The following OR2M2 variants were observed in gnomAD, a reference collection of about 807,000 sequenced individuals.
OR2M2 encodes the protein olfactory receptor family 2 subfamily M member 2.
For synonymous variants in OR2M2, 168 were observed against 151.7 expected, an observed-to-expected ratio of 1.11 and a Z score of -0.79; for missense variants, 467 against 429.9, an observed-to-expected ratio of 1.09 and a Z score of -0.76.
chr1:248,180,603 G>T lies in OR2M2; in HGVS notation c.618G>T (p.Met206Ile). The T allele has an allele frequency of 2.5e-6, 4 of 1,613,004 alleles. No individual in the cohort carries two copies. The highest frequency in any genetic ancestry group is 3.4e-6 in the Non-Finnish European group (4 of 1,179,820). Residue 206 changes from methionine (M) to isoleucine (I), a missense_variant, in exon 2 of 2, where the codon ATG (methionine) becomes ATT (isoleucine). Transcript: ENST00000641836. The stretch of plus-strand genomic sequence containing the variant: ...TTATTTTCATCTGCTGTATAGTAAT[G>T]CTTGTTTTCCCTGTTGCAATCATCA... ...EEVIFICCIV[M>I]LVFPVAIIIA...
rs1408395441 is a variant in OR2M2, at chr1:248,180,867, C to T, written c.882C>T (p.Asn294=). ...MLNPLIYSLR[N]KEVTRAFMKI... is the part of the protein sequence containing the mutation. ...ATCCCCTCATCTACAGCCTCCGCAA[C>T]AAGGAGGTGACTAGAGCATTCATGA... Residue 294 remains asparagine, a synonymous_variant, in exon 2 of 2, where the codon AAC becomes AAT. Transcript: ENST00000641836. 1 of 1,613,952 alleles carries T rather than the reference C, an allele frequency of 6.2e-7. No homozygotes were observed. Among genetic ancestry groups the T allele is most frequent in the East Asian group, 2.2e-5 (1 of 44,880 alleles).
At chr1:248,179,900 A>C in intron 1 of OR2M2, 68 bp from the exon 2 acceptor site, 2 of 1,467,678 alleles carry the variant, frequency 1.4e-6, no homozygotes, top group Non-Finnish European at 1.8e-6. Flanking sequence ...GAATTTACCA[A>C]AATCACACGA....
Position 248,180,386 on chromosome 1 carries a change from A to G in OR2M2, c.401A>G (p.Asn134Ser), listed in dbSNP as rs754228786. ...IAICHPLRYT[N>S]LMNPKICGLM... ...ATTTGCCACCCTCTAAGATATACCA[A>G]TCTCATGAATCCTAAAATTTGTGGA... The change falls in exon 2 of 2, where the codon AAT becomes AGT. Residue 134 changes from asparagine to serine, a missense_variant. Transcript: ENST00000641836. 11 of 1,613,932 alleles carry G rather than the reference A, an allele frequency of 6.8e-6. No homozygotes were observed. The highest frequency in any genetic ancestry group is 2.2e-5 in the East Asian group (1 of 44,888).
chr1:248,177,131 T>C (rs1383388145), intron 1 of OR2M2, among the ~76,000 whole-genome samples: 3 of 151,952 alleles, frequency 2.0e-5, no homozygotes, highest in East Asian at 1.9e-4. Flanking sequence ...TGAAAGGAGG[T>C]GACAAAATAC....
At chr1:248,179,294 A>G (rs1401150552) in intron 1 of OR2M2, among the ~76,000 whole-genome samples, 1 of 152,106 alleles carries the variant, frequency 6.6e-6, no homozygotes, top group African/African-American at 2.4e-5. Flanking sequence ...TTAACTAATT[A>G]CCGTCTTTAC....
chr1:248,176,768 C>A lies in OR2M2; in HGVS notation c.-19+1897C>A, dbSNP rs566159283. On this transcript the variant is annotated intron_variant, in intron 1 of 1. Coordinates refer to ENST00000641836, the MANE Select transcript of OR2M2 (RefSeq NM_001004688.2). ...ATACCTCTTGGAAACCCAATTTTACCTTCACTGCATTTTCAGATTGTTTAT... is the reference window on the plus strand; with the variant it reads ...ATACCTCTTGGAAACCCAATTTTACATTCACTGCATTTTCAGATTGTTTAT... Among the ~76,000 whole-genome samples the A allele has an allele frequency of 1.6e-4, 25 of 152,040 alleles. No homozygotes were observed. In the South Asian group the frequency reaches 5.0e-3, roughly 30 times the overall value.
Position 248,180,722 on chromosome 1 carries a change from T to G in OR2M2, c.737T>G (p.Met246Arg), listed in dbSNP as rs1337765599. Residue 246 changes from methionine to arginine, a missense_variant, in exon 2 of 2, where the codon ATG becomes AGG. Met to Arg is a moderately conservative substitution (Grantham distance 91). Transcript: ENST00000641836. ...KAFTTCSSHL[M>R]VVGMYYGAAL... ...TTCACGACCTGTTCCTCTCACCTCA[T>G]GGTGGTGGGAATGTACTATGGAGCA... 5 of 1,613,380 alleles carry G rather than the reference T, an allele frequency of 3.1e-6. No individual in the cohort carries two copies. The highest frequency in any genetic ancestry group is 4.2e-6 in the Non-Finnish European group (5 of 1,179,856).
chr1:248,180,976 T>G lies in OR2M2; in HGVS notation c.991T>G (p.Ser331Ala), dbSNP rs755766907. 6.2e-7 allele frequency: 1 copy of G among 1,613,402 alleles called. No individual in the cohort carries two copies. Among genetic ancestry groups the G allele is most frequent in the Non-Finnish European group, 8.5e-7 (1 of 1,179,450 alleles). Residue 331 changes from serine to alanine, a missense_variant, in exon 2 of 2, where the codon TCC (serine) becomes GCC (alanine). Coordinates refer to ENST00000641836, the MANE Select transcript of OR2M2 (RefSeq NM_001004688.2). ...GTTTGCTAAATTCTTCTTTCTAATA[T>G]CCATCTTTTTCTATGATGTCAAAAT... ...LLFAKFFFLI[S>A]IFFYDVKILA... is the part of the protein sequence containing the mutation.
intron 1 of OR2M2, among the ~76,000 whole-genome samples, chr1:248,178,674 T>C (rs555013015): frequency 1.3e-5 from 2 of 152,330 alleles, no homozygotes; most frequent in East Asian, 3.9e-4. Flanking sequence ...ATGAACATGC[T>C]CACACAATTC....
rs527971346 is a variant in OR2M2, at chr1:248,176,485, G to T, written c.-19+1614G>T. ...TTACAATTAAGGAAAAGAAATACTT[G>T]TCAGGCAATGTCTAATCCAAATTCA... On this transcript the variant is annotated intron_variant, in intron 1 of 1. Coordinates refer to ENST00000641836, the MANE Select transcript of OR2M2 (RefSeq NM_001004688.2). 3.9e-5 allele frequency among the ~76,000 whole-genome samples: 6 copies of T among 152,078 alleles called. No homozygotes were observed. In the East Asian group the frequency reaches 5.8e-4, roughly 15 times the overall value.
chr1:248,177,112 T>C (rs1377064374), intron 1 of OR2M2, among the ~76,000 whole-genome samples: 4 of 152,036 alleles, frequency 2.6e-5, no homozygotes, highest in African/African-American at 9.7e-5. Flanking sequence ...GAAGGGAAAT[T>C]TGAGGCAATG....
chr1:248,177,845 A>C, intron 1 of OR2M2: 1 of 152,052 alleles, frequency 6.6e-6, no homozygotes, highest in South Asian at 2.1e-4. Context: ...CCATTTTTTA[A>C]AAACCGGAAT....
intron 1 of OR2M2, chr1:248,178,084 A>G (rs1208412689): frequency 6.6e-6 from 1 of 152,062 alleles, no homozygotes; most frequent in Non-Finnish European, 1.5e-5. Flanking sequence ...TCACAATATT[A>G]TTCACAATTT....
At position 248,179,602 on chromosome 1, in the gene OR2M2, C is replaced by G. The variant is rs111337586; in HGVS notation, c.-18-366C>G. ...TAGTATTGTGTTGGTCACATGTTGA[C>G]TGAAGCTGAATTAGCCTATCAATTT... On this transcript the variant is annotated intron_variant, in intron 1 of 1. Transcript: ENST00000641836. Among the ~76,000 whole-genome samples, 497 of 152,304 alleles carry G rather than the reference C, an allele frequency of 3.3e-3. 2 individuals are homozygous for G. Among genetic ancestry groups the G allele is most frequent in the African/African-American group, 0.011 (475 of 41,564 alleles).
chr1:248,179,570 A>G (rs150350563), intron 1 of OR2M2, among the ~76,000 whole-genome samples: 153 of 152,314 alleles, frequency 1.0e-3, no homozygotes, highest in African/African-American at 3.5e-3. Context: ...CATTTATTCT[A>G]CATTTGTAGT....
intron 1 of OR2M2, among the ~76,000 whole-genome samples, chr1:248,177,669 T>C (rs1346882302): frequency 6.6e-6 from 1 of 152,080 alleles, no homozygotes; most frequent in African/African-American, 2.4e-5. Flanking sequence ...TTTTTTCCCC[T>C]GATTGACCTT....
Position 248,180,675 on chromosome 1 carries a change from T to C in OR2M2, c.690T>C (p.Ser230=). 4 of 1,612,476 alleles carry C rather than the reference T, an allele frequency of 2.5e-6. No individual in the cohort carries two copies. The highest frequency in any genetic ancestry group is 3.4e-6 in the Non-Finnish European group (4 of 1,179,856). Residue 230 remains serine (S), a synonymous_variant, in exon 2 of 2, where the codon TCT becomes TCC. Transcript: ENST00000641836. ...RVILAVIHMG[S]GEGRCKAFTT... Reference sequence around the variant, plus strand: ...TTCTGGCTGTCATTCACATGGGATCTGGAGAGGGTCGTTGCAAAGCTTTCA... The same window carrying C: ...TTCTGGCTGTCATTCACATGGGATCCGGAGAGGGTCGTTGCAAAGCTTTCA...
At chr1:248,179,907 A>G in intron 1 of OR2M2, 61 bp from the exon 2 acceptor site, 1 of 1,483,850 alleles carries the variant, frequency 6.7e-7, no homozygotes, top group Non-Finnish European at 9.1e-7. Context: ...CCAAAATCAC[A>G]CGATTTATAA....
At chr1:248,177,462 A>G (rs1041171258) in intron 1 of OR2M2, among the ~76,000 whole-genome samples, 1 of 152,100 alleles carries the variant, frequency 6.6e-6, no homozygotes, top group Non-Finnish European at 1.5e-5. Flanking sequence ...CTAAGGAAAA[A>G]TTATGGTGGA....
Sources: allele counts gnomAD v4.1 joint callset (sites outside exome capture counted in the v4.1 genomes callset), GRCh38; gene constraint gnomAD v4.1.1; transcripts MANE v1.5; gene names NCBI Gene and HGNC (gene_info 2026-07-23, HGNC 2026-07-21).